The following PDCD2L variants were observed in gnomAD, a reference collection of about 807,000 sequenced individuals.
The protein encoded by PDCD2L is programmed cell death 2 like.
Under a neutral mutation model 40.4 loss-of-function variants are expected in PDCD2L, and 44 were observed. The ratio of observed to expected loss-of-function variants is 1.09; its 90% CI spans 0.86 to 1.40. PDCD2L has a LOEUF of 1.40. Ranked by LOEUF, PDCD2L falls within the 40% of genes most tolerant of loss-of-function variation. The pLI is 0.00. For synonymous variants in PDCD2L, 194 were observed against 174.6 expected (o/e 1.11, Z -0.88); for missense variants, 470 against 453.7 (o/e 1.04, Z -0.33).
At position 34,426,010 on chromosome 19, in the gene PDCD2L, A is replaced by G; in HGVS notation, c.967A>G (p.Thr323Ala). ...ANLGLSVEFGTILVYTCEKSC... is the reference protein window; with the variant it reads ...ANLGLSVEFGAILVYTCEKSC... ...TTCAGGTCTTTCTGTGGAATTTGGA[A>G]CAATTCTAGTTTACACATGTGAGAA... The change falls in exon 7 of 7, where the codon ACA becomes GCA. Residue 323 changes from threonine (T) to alanine (A), a missense_variant. Transcript: ENST00000246535. The G allele has an allele frequency of 2.5e-6, 4 of 1,612,428 alleles. No homozygotes were observed. The South Asian group carries it at 4.4e-5, about 18-fold the overall frequency.
intron 5 of PDCD2L, among the ~76,000 whole-genome samples, chr19:34,420,371 A>G (rs1486996387): frequency 6.6e-6 from 1 of 151,328 alleles, no homozygotes; most frequent in Non-Finnish European, 1.5e-5. Flanking sequence ...TGTCTGATAA[A>G]TTTATCATCT....
chr19:34,406,171 C>G (rs2075074476), intron 3 of PDCD2L, among the ~76,000 whole-genome samples: 1 of 152,134 alleles, frequency 6.6e-6, no homozygotes, highest in East Asian at 1.9e-4. Flanking sequence ...GAGATGGAGA[C>G]TTCCTCCTGG....
intron 3 of PDCD2L, among the ~76,000 whole-genome samples, chr19:34,406,652 A>G (rs776235371): frequency 2.6e-5 from 4 of 151,908 alleles, no homozygotes; most frequent in Non-Finnish European, 4.4e-5. Context: ...CGGCCTCCCA[A>G]AGTGCTGGGA....
In PDCD2L at chr19:34,409,101, G is replaced by T. The variant is rs149798123; in HGVS notation, c.337-60G>T. The T allele has an allele frequency of 4.7e-6, 7 of 1,505,326 alleles. No individual in the cohort carries two copies. In the Admixed American group the frequency reaches 8.9e-5, roughly 19 times the overall value. The allele number at this position is 1,505,326 out of a possible 1,614,324, so 93.2% of individuals were successfully genotyped here. A position where few individuals can be genotyped will look rare whatever the true frequency, so the allele number is the denominator to read the frequency against. On this transcript the variant is annotated intron_variant, in intron 3 of 6. Coordinates refer to ENST00000246535, the MANE Select transcript of PDCD2L (RefSeq NM_032346.2). ...GGCGCGGCGGTGGGTGGCTGGAGCC[G>T]AAGGATTAGAATAAACCTCCCAAAT...
At chr19:34,406,540 G>A (rs553291443) in intron 3 of PDCD2L, among the ~76,000 whole-genome samples, 63 of 151,786 alleles carry the variant, frequency 4.2e-4, no homozygotes, top group African/African-American at 1.4e-3. Context: ...CCGCCACCAC[G>A]GCCAGCTAAT....
chr19:34,420,224 C>T (rs1348950723), intron 5 of PDCD2L, among the ~76,000 whole-genome samples: 3 of 151,492 alleles, frequency 2.0e-5, no homozygotes, highest in African/African-American at 4.9e-5. Flanking sequence ...CTCCTGTCCT[C>T]GAGTGATTCA....
chr19:34,419,019 A>AT (rs1238812576), intron 5 of PDCD2L, among the ~76,000 whole-genome samples: 1 of 151,910 alleles, frequency 6.6e-6, no homozygotes, highest in Admixed American at 6.6e-5. Context: ...TTTCAATTTA[A>AT]TTTTTTTTAG....
At chr19:34,408,767 G>T (rs1240456857) in intron 3 of PDCD2L, among the ~76,000 whole-genome samples, 2 of 152,146 alleles carry the variant, frequency 1.3e-5, no homozygotes, top group African/African-American at 2.4e-5. Flanking sequence ...ACTTCACTCT[G>T]TCTCAAGTTC....
intron 3 of PDCD2L, among the ~76,000 whole-genome samples, chr19:34,406,446 C>T (rs1489377453): frequency 2.0e-5 from 3 of 150,644 alleles, no homozygotes; most frequent in Non-Finnish European, 4.4e-5. Context: ...AGTGCAGTGG[C>T]GCCGTCTCTG....
At chr19:34,425,758 T>C (rs2075174213) in intron 6 of PDCD2L, among the ~76,000 whole-genome samples, 1 of 152,182 alleles carries the variant, frequency 6.6e-6, no homozygotes. Flanking sequence ...TGCTGAAATT[T>C]TTGTTTATTT....
chr19:34,406,059 T>C (rs573208465), intron 3 of PDCD2L, among the ~76,000 whole-genome samples: 57 of 152,324 alleles, frequency 3.7e-4, no homozygotes, highest in African/African-American at 1.3e-3. Context: ...GGAGGATTGC[T>C]TGAGTCTAGG....
intron 5 of PDCD2L, among the ~76,000 whole-genome samples, chr19:34,414,686 C>A (rs1416644426): frequency 6.6e-6 from 1 of 151,840 alleles, no homozygotes; most frequent in Admixed American, 6.6e-5. Context: ...AATGGTATTT[C>A]ACCATGTTGG....
intron 6 of PDCD2L, among the ~76,000 whole-genome samples, chr19:34,423,491 CTTTTTT>C (rs547306985): frequency 8.8e-6 from 1 of 113,084 alleles, no homozygotes; most frequent in Non-Finnish European, 1.8e-5. Context: ...GACCCAGTAT[CTTTTTT>C]TTTTTTTTTT....
chr19:34,425,740 TG>T (rs1051889808), intron 6 of PDCD2L, among the ~76,000 whole-genome samples: 1 of 152,212 alleles, frequency 6.6e-6, no homozygotes, highest in African/African-American at 2.4e-5. Flanking sequence ...ACAGTTATAA[TG>T]AACACTTGCT....
intron 6 of PDCD2L, among the ~76,000 whole-genome samples, chr19:34,425,517 G>GAT (rs1054437663): frequency 9.3e-5 from 14 of 150,874 alleles, no homozygotes; most frequent in South Asian, 6.3e-4. Context: ...GGCTATATGA[G>GAT]ATATATATAT....
chr19:34,411,975 T>TATATAC, intron 4 of PDCD2L, among the ~76,000 whole-genome samples: 1 of 145,858 alleles, frequency 6.9e-6, no homozygotes. Context: ...TATATATATA[T>TATATAC]ATATATATAA....
At chr19:34,421,832 G>A (rs1021771488) in intron 6 of PDCD2L, among the ~76,000 whole-genome samples, 165 bp downstream of exon 6, 3 of 152,132 alleles carry the variant, frequency 2.0e-5, no homozygotes, top group African/African-American at 7.2e-5. Context: ...GCTCATGCCT[G>A]TAATCCCAGC....
At chr19:34,412,487 C>T (rs571451623) in intron 4 of PDCD2L, among the ~76,000 whole-genome samples, 3 of 151,806 alleles carry the variant, frequency 2.0e-5, no homozygotes, top group South Asian at 2.1e-4. Flanking sequence ...TTTGGGAGGC[C>T]GAGATGGATC....
chr19:34,413,679 A>G (rs2145464447), intron 4 of PDCD2L, 58 bp from the exon 5 acceptor site: 1 of 1,056,034 alleles, frequency 9.5e-7, no homozygotes, highest in Non-Finnish European at 1.4e-6. Context: ...TTTGTCTTGC[A>G]AATGCTGTAA....
Sources: allele counts gnomAD v4.1 joint callset (sites outside exome capture counted in the v4.1 genomes callset), GRCh38; gene constraint gnomAD v4.1.1; transcripts MANE v1.5; gene names NCBI Gene and HGNC (gene_info 2026-07-23, HGNC 2026-07-21).